Variants in FYB1 observed in about 807,000 individuals in gnomAD.
FYB1 encodes the protein FYN-binding protein 1.
A neutral mutation model predicts 94.1 loss-of-function variants in FYB1; 41 were observed. The observed-to-expected ratio is 0.44, with a 90% CI of 0.34 to 0.57. The LOEUF (loss-of-function observed/expected upper bound fraction) is 0.57. Among genes scored for constraint, FYB1 ranks in the 20% least tolerant of loss-of-function variants. The pLI is 0.02. For synonymous variants in FYB1, 367 were observed against 353.2 expected (o/e 1.04, Z -0.44); for missense variants, 1,050 against 976.8 (o/e 1.07, Z -1.00).
Position 39,200,737 on chromosome 5 carries a change from C to T in FYB1, c.1135+1089G>A, listed in dbSNP as rs141030397. ...TACTGAACTCAGGAAGATAACATAT[C>T]GCAAGATGTTTCTACAGTGCAAAAA... On this transcript the variant is annotated intron_variant, in intron 2 of 18. Transcript: ENST00000512982. Among the ~76,000 whole-genome samples the T allele has an allele frequency of 9.3e-4, 141 of 152,272 alleles. 1 individual carries two copies. The highest frequency in any genetic ancestry group is 3.2e-3 in the African/African-American group (134 of 41,550).
chr5:39,185,571 T>TATATATAC lies in FYB1; in HGVS notation c.1135+16247_1135+16254dup, dbSNP rs1424995955. Among the ~76,000 whole-genome samples, 47 of 146,878 alleles carry TATATATAC rather than the reference T, an allele frequency of 3.2e-4. 1 individual carries two copies. The highest frequency in any genetic ancestry group is 1.1e-3 in the African/African-American group (45 of 40,446). On this transcript the variant is annotated intron_variant, in intron 2 of 18. Coordinates refer to ENST00000512982, the MANE Select transcript of FYB1 (RefSeq NM_001465.6). Reference sequence around the variant, plus strand: ...TATATGATATGATTGTGTGTGTGTATATATATACATATATACATATATATA... The same window carrying TATATATAC: ...TATATGATATGATTGTGTGTGTGTATATATATACATATATACATATATACATATATATA...
At chr5:39,169,439 A>G in intron 2 of FYB1, 1 of 734,936 alleles carries the variant, frequency 1.4e-6, no homozygotes, top group Non-Finnish European at 2.6e-6. Flanking sequence ...GAACAGGAAC[A>G]TTTCACAGAA....
At chr5:39,194,912 G>A (rs1747694741) in intron 2 of FYB1, among the ~76,000 whole-genome samples, 2 of 152,152 alleles carry the variant, frequency 1.3e-5, no homozygotes, top group Non-Finnish European at 2.9e-5. Context: ...GAGGGTGGGT[G>A]GAATAAATTG....
At chr5:39,270,714 G>A in intron 1 of FYB1, 1 of 616,378 alleles carries the variant, frequency 1.6e-6, no homozygotes. Context: ...ACATTGATAT[G>A]TGAGGCTACA....
At chr5:39,108,288 T>C (rs752254544) in intron 17 of FYB1, 26 bp from the exon 18 acceptor site, 23 of 1,506,880 alleles carry the variant, frequency 1.5e-5, no homozygotes, top group Middle Eastern at 1.9e-4. Context: ...AAAATTTTTA[T>C]TTTAAAGAAA....
rs148945471 is a variant in FYB1 at position 39,233,596 on chromosome 5, T to G, written c.-27-30609A>C. Among the ~76,000 whole-genome samples the G allele has an allele frequency of 2.1e-3, 318 of 152,276 alleles. 3 individuals carry two copies. Among genetic ancestry groups the G allele is most frequent in the African/African-American group, 7.3e-3 (305 of 41,562 alleles). Reference sequence around the variant, plus strand: ...AATCATTACATATTAACATAAAACTTCTATGAAAAATATATTTTCTAAAAC... The same window carrying G: ...AATCATTACATATTAACATAAAACTGCTATGAAAAATATATTTTCTAAAAC... On this transcript the variant is annotated intron_variant, in intron 1 of 1. Transcript: ENST00000510188.
At chr5:39,213,437 C>T (rs1191104495) in intron 1 of FYB1, among the ~76,000 whole-genome samples, 1 of 152,184 alleles carries the variant, frequency 6.6e-6, no homozygotes, top group Non-Finnish European at 1.5e-5. Flanking sequence ...GACCTCCTGT[C>T]CAAGAATCCC....
chr5:39,193,645 T>C (rs1446832581), intron 2 of FYB1, among the ~76,000 whole-genome samples: 1 of 152,070 alleles, frequency 6.6e-6, no homozygotes, highest in Non-Finnish European at 1.5e-5. Flanking sequence ...AAGCAAACTG[T>C]AAGGTGAGTG....
At chr5:39,239,697 G>T (rs775642761) in intron 1 of FYB1, among the ~76,000 whole-genome samples, 1 of 152,148 alleles carries the variant, frequency 6.6e-6, no homozygotes, top group Non-Finnish European at 1.5e-5. Context: ...CATACTCATG[G>T]ATTGGAAGAA....
rs771788208 is a variant in FYB1, at chr5:39,201,993, C to T, written c.968G>A (p.Gly323Glu). 6.2e-7 allele frequency: 1 copy of T among 1,614,046 alleles called. No homozygotes were observed. Among genetic ancestry groups the T allele is most frequent in the Non-Finnish European group, 8.5e-7 (1 of 1,179,896 alleles). ...TTCCTGACTTTGGCCCCATGGCCCC[C>T]CCACTGTCAGCTTAGAAGGGGCCTT... ...FPKAPSKLTV[G>E]GPWGQSQEKE... is the part of the protein sequence containing the mutation. Residue 323 changes from glycine (G) to glutamate (E), a missense_variant, in exon 2 of 19, where the codon GGG (glycine) becomes GAG (glutamate). By Grantham distance (98) the Gly-to-Glu change is moderately conservative (BLOSUM62 -2). Transcript: ENST00000512982.
At chr5:39,250,720 G>A (rs772523554) in intron 1 of FYB1, 2 of 152,132 alleles carry the variant, frequency 1.3e-5, no homozygotes, top group Admixed American at 6.5e-5. Flanking sequence ...ACGGAAGGGC[G>A]GGCGAGATCT....
chr5:39,232,618 C>A (rs1306914207), intron 1 of FYB1, among the ~76,000 whole-genome samples: 5 of 150,710 alleles, frequency 3.3e-5, no homozygotes, highest in Non-Finnish European at 7.4e-5. Flanking sequence ...GCACATTGTG[C>A]AGGTTAGTTA....
At chr5:39,117,509 T>G (rs1359643172) in intron 16 of FYB1, among the ~76,000 whole-genome samples, 2 of 152,152 alleles carry the variant, frequency 1.3e-5, no homozygotes, top group Non-Finnish European at 2.9e-5. Flanking sequence ...CACATTATCT[T>G]CAGTGAACTT....
chr5:39,130,096 T>C (rs769372857), intron 10 of FYB1, among the ~76,000 whole-genome samples: 1 of 152,026 alleles, frequency 6.6e-6, no homozygotes, highest in Non-Finnish European at 1.5e-5. Flanking sequence ...TGAAATCATG[T>C]CATTTGCAGC....
rs114464174 is a variant in FYB1, at chr5:39,206,000, C to G, written c.-27-3013G>C. Among the ~76,000 whole-genome samples the G allele has an allele frequency of 3.9e-3, 598 of 152,248 alleles. 2 individuals are homozygous for G. Among genetic ancestry groups the G allele is most frequent in the Middle Eastern group, 0.01 (3 of 294 alleles). The stretch of plus-strand genomic sequence containing the variant: ...ATCTCTGTTTTTCTAATTTGCTAGT[C>G]ACAAAACATTATTTCTCTATGTGAC... On this transcript the variant is annotated intron_variant, in intron 1 of 18. Coordinates refer to ENST00000512982, the MANE Select transcript of FYB1 (RefSeq NM_001465.6).
At chr5:39,174,447 A>G (rs1383287285) in intron 2 of FYB1, among the ~76,000 whole-genome samples, 3 of 152,224 alleles carry the variant, frequency 2.0e-5, no homozygotes, top group African/African-American at 7.2e-5. Flanking sequence ...TAAACAAACC[A>G]GTTGATTATT....
intron 2 of FYB1, among the ~76,000 whole-genome samples, chr5:39,186,915 G>A (rs1561232639): frequency 1.3e-5 from 2 of 151,978 alleles, no homozygotes; most frequent in Non-Finnish European, 2.9e-5. Context: ...AGAAAACTGA[G>A]GCTAAAAGAG....
intron 9 of FYB1, 61 bp downstream of exon 9, chr5:39,134,147 T>C: frequency 2.3e-6 from 3 of 1,309,660 alleles, no homozygotes; most frequent in Non-Finnish European, 2.1e-6. Context: ...AGGATCTTAA[T>C]ATACAAAATT....
chr5:39,176,785 T>G lies in FYB1; in HGVS notation c.1136-23181A>C, dbSNP rs373016855. On this transcript the variant is annotated intron_variant, in intron 2 of 18. Transcript: ENST00000512982. ...AAATAGCAACACAACTTCCTGATTTTCTGAGTGAAGTTATTTCATGTGCTA... is the reference window on the plus strand; with the variant it reads ...AAATAGCAACACAACTTCCTGATTTGCTGAGTGAAGTTATTTCATGTGCTA... 4.7e-4 allele frequency among the ~76,000 whole-genome samples: 71 copies of G among 152,362 alleles called. No homozygotes were observed. In the South Asian group the frequency reaches 0.014, roughly 31 times the overall value.
Sources: allele counts gnomAD v4.1 joint callset (sites outside exome capture counted in the v4.1 genomes callset), GRCh38; gene constraint gnomAD v4.1.1; transcripts MANE v1.5; gene names NCBI Gene and HGNC (gene_info 2026-07-23, HGNC 2026-07-21).